Variants in IBTK observed in about 807,000 individuals in gnomAD.
IBTK encodes the protein inhibitor of Bruton tyrosine kinase, also known as BTK-binding protein.
IBTK carries 83 observed loss-of-function variants against 154.9 expected under a neutral mutation model. The observed-to-expected ratio is 0.54, with a 90% CI of 0.45 to 0.64. IBTK has a LOEUF of 0.64. Ranked by LOEUF, IBTK falls within the 30% of genes least tolerant of loss-of-function variation. The pLI is 0.00. For missense variants in IBTK, 1,332 were observed against 1,584.6 expected (o/e 0.84, Z 2.71); for synonymous variants, 515 against 536.1 (o/e 0.96, Z 0.54).
Position 82,214,432 on chromosome 6 carries a change from G to A in IBTK, c.1999C>T (p.His667Tyr). The change falls in exon 12 of 29, where the codon CAT becomes TAT. Residue 667 changes from histidine to tyrosine, a missense_variant. Physicochemically the swap from His to Tyr is moderately conservative, Grantham distance 83 (BLOSUM62 2). Transcript: ENST00000306270. ...PEEYQGTLNSHLNKVNFHEDD... is the reference protein window; with the variant it reads ...PEEYQGTLNSYLNKVNFHEDD... ...TCATGGAAATTCACTTTATTCAAAT[G>A]AGAATTCAGAGTTCCCTGATATTCT... is the stretch of plus-strand genomic sequence containing the variant. The A allele has an allele frequency of 2.5e-6, 4 of 1,613,810 alleles. No homozygotes were observed. Among genetic ancestry groups the A allele is most frequent in the Non-Finnish European group, 3.4e-6 (4 of 1,179,824 alleles).
intron 25 of IBTK, among the ~76,000 whole-genome samples, chr6:82,190,559 A>T (rs192996499): frequency 1.4e-3 from 207 of 152,312 alleles, no homozygotes; most frequent in Middle Eastern, 6.8e-3. Context: ...CAATGGAGAA[A>T]ATGTAAACAC....
At chr6:82,220,147 T>C (rs1770043683) in intron 9 of IBTK, among the ~76,000 whole-genome samples, 1 of 151,994 alleles carries the variant, frequency 6.6e-6, no homozygotes, top group Admixed American at 6.6e-5. Context: ...GAGGTGGAGG[T>C]TGCAATGAGC....
intron 9 of IBTK, among the ~76,000 whole-genome samples, chr6:82,218,564 T>C (rs1334106025): frequency 2.0e-5 from 3 of 152,164 alleles, no homozygotes; most frequent in African/African-American, 7.2e-5. Flanking sequence ...AAAAAGTAAA[T>C]GTATGCATAA....
chr6:82,207,409 T>C lies in IBTK; in HGVS notation c.2510-2451A>G, dbSNP rs1422040539. Among the ~76,000 whole-genome samples the C allele has an allele frequency of 3.3e-5, 5 of 152,056 alleles. No homozygotes were observed. The South Asian group carries it at 6.2e-4, about 19-fold the overall frequency. On this transcript the variant is annotated intron_variant, in intron 16 of 28. Coordinates refer to ENST00000306270, the MANE Select transcript of IBTK (RefSeq NM_015525.4). The stretch of plus-strand genomic sequence containing the variant: ...TGTACACTGAAAACTACAAAAATCA[T>C]TGAAAGAAATTAAAGACTTAAATAT...
chr6:82,225,406 C>A (rs1770257152), intron 6 of IBTK, 71 bp downstream of exon 6: 19 of 1,217,496 alleles, frequency 1.6e-5, no homozygotes, highest in Admixed American at 2.3e-5. Flanking sequence ...CTGTCAATAA[C>A]TTACATTTTT....
At chr6:82,191,415 T>A (rs1768764462) in intron 24 of IBTK, 199 bp from the exon 25 acceptor site, 1 of 580,274 alleles carries the variant, frequency 1.7e-6, no homozygotes, top group Non-Finnish European at 3.0e-6. Flanking sequence ...ACAATGAAAA[T>A]ATCAGTTTAT....
chr6:82,172,431 T>C lies in IBTK; in HGVS notation c.3879A>G (p.Gln1293=), dbSNP rs191957885. ...GACTTCTAATAAGAGCTGCTTCTTG[T>C]TGTAGTTCTTCTTCTACAATAGATG... is the stretch of plus-strand genomic sequence containing the variant. ...TFASIVEEEL[Q]QEAALIRSRE... The change falls in exon 28 of 29, where the codon CAA becomes CAG. Residue 1293 remains glutamine (Q), a synonymous_variant. Coordinates refer to ENST00000306270, the MANE Select transcript of IBTK (RefSeq NM_015525.4). The C allele has an allele frequency of 7.5e-5, 121 of 1,613,984 alleles. No individual in the cohort carries two copies. Among genetic ancestry groups the C allele is most frequent in the Non-Finnish European group, 5.1e-5 (60 of 1,179,896 alleles).
At chr6:82,204,815 G>T in intron 17 of IBTK, 42 bp downstream of exon 17, 1 of 1,205,262 alleles carries the variant, frequency 8.3e-7, no homozygotes, top group Non-Finnish European at 1.2e-6. Flanking sequence ...AATCCTTGAT[G>T]AACCTGAAAA....
At chr6:82,211,226 A>G (rs1027999496) in intron 15 of IBTK, 141 bp downstream of exon 15, 7 of 578,190 alleles carry the variant, frequency 1.2e-5, no homozygotes, top group Non-Finnish European at 2.0e-5. Context: ...ATTTTCCAGC[A>G]GCCTCAAGCA....
Position 82,208,150 on chromosome 6 carries a change from G to C in IBTK, c.2509+2664C>G, listed in dbSNP as rs540623565. Among the ~76,000 whole-genome samples the C allele has an allele frequency of 2.0e-3, 298 of 151,096 alleles. 1 individual carries two copies. Among genetic ancestry groups the C allele is most frequent in the Non-Finnish European group, 3.3e-3 (226 of 67,820 alleles). On this transcript the variant is annotated intron_variant, in intron 16 of 28. Coordinates refer to ENST00000306270, the MANE Select transcript of IBTK (RefSeq NM_015525.4). ...AAAAAAAAAAAAGGTAATTATGTGA[G>C]GTGACGGTTATGTTAATTAGCTTGA...
chr6:82,191,916 T>A, intron 23 of IBTK, 37 bp from the exon 24 acceptor site: 1 of 1,291,718 alleles, frequency 7.7e-7, no homozygotes, highest in Non-Finnish European at 1.1e-6. Flanking sequence ...AAAGCATTCA[T>A]TTACCTATAA....
intron 25 of IBTK, among the ~76,000 whole-genome samples, chr6:82,185,597 A>G (rs1002427516): frequency 1.3e-5 from 2 of 151,238 alleles, no homozygotes; most frequent in African/African-American, 4.9e-5. Context: ...TCAGGAAAAC[A>G]ATCTATTCCA....
intron 27 of IBTK, chr6:82,172,732 T>C: frequency 2.2e-6 from 1 of 461,212 alleles, no homozygotes; most frequent in South Asian, 3.7e-5. Context: ...AATGCTACAA[T>C]TTTTTCCAGT....
At chr6:82,208,944 C>G (rs1186045855) in intron 16 of IBTK, among the ~76,000 whole-genome samples, 1 of 151,822 alleles carries the variant, frequency 6.6e-6, no homozygotes, top group Non-Finnish European at 1.5e-5. Context: ...AGTATGTATT[C>G]AAAGAAGATA....
chr6:82,211,987 C>T (rs1285070418), intron 13 of IBTK, among the ~76,000 whole-genome samples: 1 of 152,088 alleles, frequency 6.6e-6, no homozygotes, highest in Non-Finnish European at 1.5e-5. Flanking sequence ...GCATGAATAG[C>T]TAAAAACAAA....
chr6:82,214,056 G>A (rs1769762496), intron 12 of IBTK, among the ~76,000 whole-genome samples, 171 bp downstream of exon 12: 2 of 151,896 alleles, frequency 1.3e-5, no homozygotes, highest in Non-Finnish European at 2.9e-5. Context: ...CCCGGGTTCA[G>A]GCCATTCTCC....
Position 82,196,340 on chromosome 6 carries a change from CT to C in IBTK, c.3131del (p.Gln1044ArgfsTer34). ...YAGVGSPRDL[Q>X]SPDFTTGFHS... ...GAAATCCTGTTGTGAAATCAGGGGA[CT>C]GTAAATCTCTAGGACTACCCACTCC... On this transcript the variant is annotated frameshift_variant, in exon 22 of 29. Coordinates refer to ENST00000306270, the MANE Select transcript of IBTK (RefSeq NM_015525.4). LOFTEE classifies it high-confidence loss of function. The C allele has an allele frequency of 3.1e-6, 5 of 1,610,572 alleles. No individual in the cohort carries two copies. Among genetic ancestry groups the C allele is most frequent in the Non-Finnish European group, 4.2e-6 (5 of 1,178,444 alleles).
chr6:82,211,283 A>G, intron 15 of IBTK, 84 bp downstream of exon 15: 1 of 1,079,048 alleles, frequency 9.3e-7, no homozygotes, highest in Admixed American at 2.5e-5. Flanking sequence ...TCCAGTTCTG[A>G]TTTTGAATTT....
chr6:82,247,654 G>A lies in IBTK; in HGVS notation c.-450C>T. The stretch of plus-strand genomic sequence containing the variant: ...CTCAGTGAAGGCAATAAGAGAAACC[G>A]AACGGCGCCAGAGGGGCCAGTCCCC... On this transcript the variant is annotated 5_prime_UTR_variant, in exon 1 of 29. Transcript: ENST00000306270. 2.5e-6 allele frequency: 1 copy of A among 398,794 alleles called. No individual in the cohort carries two copies. The highest frequency in any genetic ancestry group is 3.6e-5 in the East Asian group (1 of 28,062). The allele number at this position is 398,794 out of a possible 1,614,324, so 24.7% of individuals were successfully genotyped here.
Sources: gnomAD v4.1 joint callset for allele counts (sites outside exome capture counted in the v4.1 genomes callset) on GRCh38, gnomAD v4.1.1 for gene constraint, MANE v1.5 for transcripts, NCBI Gene and HGNC (gene_info 2026-07-23, HGNC 2026-07-21) for gene names.